Variants in UBAP2L observed in about 807,000 individuals in gnomAD.
The protein encoded by UBAP2L is ubiquitin-associated protein 2-like.
Under a neutral mutation model 130.6 loss-of-function variants are expected in UBAP2L, and 12 were observed. The ratio of observed to expected loss-of-function variants is 0.09; its 90% CI spans 0.06 to 0.15. The LOEUF (loss-of-function observed/expected upper bound fraction) is 0.15, where lower values mean the gene tolerates loss of function less well. Among genes scored for constraint, UBAP2L ranks in the 10% least tolerant of loss-of-function variants. The probability of loss-of-function intolerance (pLI) is 1.00; values close to 1 mark genes in which losing one functional copy is unlikely to be tolerated. For missense variants in UBAP2L, 965 were observed against 1,332.5 expected, an observed-to-expected ratio of 0.72 and a Z score of 4.29; for synonymous variants, 503 against 524.7, an observed-to-expected ratio of 0.96 and a Z score of 0.57.
At chr1:154,254,643 T>C (rs1448680466) in intron 15 of UBAP2L, 193 bp from the exon 16 acceptor site, 1 of 621,556 alleles carries the variant, frequency 1.6e-6, no homozygotes, top group African/African-American at 1.9e-5. Flanking sequence ...ATATCTCAGT[T>C]TTGTTGTTTA....
Position 154,255,775 on chromosome 1 carries a change from G to T in UBAP2L, c.2157+20G>T, listed in dbSNP as rs1310371419. The T allele has an allele frequency of 6.2e-7, 1 of 1,613,132 alleles. No homozygotes were observed. Among genetic ancestry groups the T allele is most frequent in the African/African-American group, 1.3e-5 (1 of 75,016 alleles). ...CTTTTGGTAAGTGTGATGCTGAGAG[G>T]GATGTGTGGTTTTCTTACACTTAGA... On this transcript the variant is annotated intron_variant, in intron 18 of 26. Transcript: ENST00000428931.
chr1:154,244,230 T>G (rs1055101752), intron 10 of UBAP2L, among the ~76,000 whole-genome samples: 3 of 152,208 alleles, frequency 2.0e-5, no homozygotes, highest in Non-Finnish European at 2.9e-5. Flanking sequence ...CCCCACAAGT[T>G]GAAAGCTCAG....
At chr1:154,267,906 T>TTTTTTTTTTA in intron 25 of UBAP2L, among the ~76,000 whole-genome samples, 1 of 135,968 alleles carries the variant, frequency 7.4e-6, no homozygotes, top group East Asian at 2.0e-4. Context: ...TTTTTTTTTT[T>TTTTTTTTTTA]GAGACGGAGT....
Position 154,255,202 on chromosome 1 carries a change from C to T in UBAP2L, c.1960C>T (p.Pro654Ser), listed in dbSNP as rs752708910. 3.1e-6 allele frequency: 5 copies of T among 1,614,130 alleles called. No individual in the cohort carries two copies. In the South Asian group the frequency reaches 5.5e-5, roughly 18 times the overall value. Residue 654 changes from proline (P) to serine (S), a missense_variant, in exon 17 of 27, where the codon CCC becomes TCC. Around this residue, in one of 9 missense-constraint regions of UBAP2L, gnomAD observed 393 missense variants for 408.1 expected, o/e 0.96. Coordinates refer to ENST00000428931, the MANE Select transcript of UBAP2L (RefSeq NM_014847.4). Reference sequence around the variant, plus strand: ...TGATTCACCTTCCACTTCTAGCATCCCCCCTCTCAATGAAACGGTATCTGC... The same window carrying T: ...TGATTCACCTTCCACTTCTAGCATCTCCCCTCTCAATGAAACGGTATCTGC... The part of the protein sequence containing the change: ...KSDSPSTSSI[P>S]PLNETVSAAS...
At chr1:154,245,497 A>G (rs776624549) in intron 10 of UBAP2L, among the ~76,000 whole-genome samples, 70 of 152,344 alleles carry the variant, frequency 4.6e-4, no homozygotes, top group Non-Finnish European at 9.1e-4. Flanking sequence ...CCATTTGAAG[A>G]TTCCAGTGTT....
intron 20 of UBAP2L, chr1:154,257,658 C>T (rs1680080368): frequency 1.8e-6 from 1 of 541,266 alleles, no homozygotes; most frequent in Non-Finnish European, 3.3e-6. Context: ...AAACAGCGTG[C>T]AGTTCAAACC....
chr1:154,254,115 A>G, intron 15 of UBAP2L, 26 bp downstream of exon 15: 8 of 1,497,644 alleles, frequency 5.3e-6, no homozygotes, highest in Non-Finnish European at 7.1e-6. Flanking sequence ...ACCCTTGGGA[A>G]TTGGTTAGGA....
intron 24 of UBAP2L, among the ~76,000 whole-genome samples, chr1:154,263,920 G>A (rs145415867): frequency 3.3e-5 from 5 of 152,286 alleles, no homozygotes; most frequent in African/African-American, 1.2e-4. Flanking sequence ...AGGCCAAGTG[G>A]CTAAGATCTG....
intron 10 of UBAP2L, 137 bp from the exon 11 acceptor site, chr1:154,246,067 T>C: frequency 1.3e-6 from 1 of 794,482 alleles, no homozygotes; most frequent in Non-Finnish European, 1.8e-6. Context: ...ATTTAAGCAT[T>C]TCAAGGCTTT....
chr1:154,220,752 T>A (rs1350719017), upstream of UBAP2L: 2 of 299,382 alleles, frequency 6.7e-6, no homozygotes, highest in Non-Finnish European at 6.4e-6. Flanking sequence ...CGGGGTGGAC[T>A]CGCGGAGCCG....
chr1:154,260,404 T>C (rs1214851332), intron 22 of UBAP2L, among the ~76,000 whole-genome samples: 1 of 152,172 alleles, frequency 6.6e-6, no homozygotes, highest in Non-Finnish European at 1.5e-5. Context: ...GGAAATACAG[T>C]GGTTGAGGTG....
intron 8 of UBAP2L, 61 bp from the exon 9 acceptor site, chr1:154,241,452 A>C: frequency 6.5e-7 from 1 of 1,547,748 alleles, no homozygotes; most frequent in Non-Finnish European, 8.9e-7. Context: ...GATGTTTTCT[A>C]TACATGCTTT....
intron 2 of UBAP2L, 134 bp from the exon 3 acceptor site, chr1:154,227,147 TA>T: frequency 1.4e-6 from 1 of 722,688 alleles, no homozygotes; most frequent in Non-Finnish European, 2.4e-6. Context: ...TTAAGCGTCC[TA>T]AATGGTGCTT....
At chr1:154,269,127 C>A in intron 26 of UBAP2L, 173 bp downstream of exon 26, 1 of 941,806 alleles carries the variant, frequency 1.1e-6, no homozygotes, top group Non-Finnish European at 1.6e-6. Flanking sequence ...CACGAGCGGC[C>A]GGCAAAGGAA....
chr1:154,221,147 G>T (rs1434446863), intron 1 of UBAP2L, 172 bp downstream of exon 1: 1 of 149,308 alleles, frequency 6.7e-6, no homozygotes, highest in African/African-American at 2.5e-5. Flanking sequence ...CACACCGTGT[G>T]TTCCCCCACT....
At chr1:154,243,848 T>G (rs1571773607) in intron 10 of UBAP2L, among the ~76,000 whole-genome samples, 1 of 152,312 alleles carries the variant, frequency 6.6e-6, no homozygotes, top group East Asian at 1.9e-4. Flanking sequence ...TCCCTGCAAA[T>G]AGCACTTTAA....
Position 154,268,935 on chromosome 1 carries a change from A to G in UBAP2L, c.3149A>G (p.His1050Arg). ...CCGCATTCTCAGATCCTTCACCATCACCTGCAGCAGGATGGCCAGGTAATA... is the reference window on the plus strand; with the variant it reads ...CCGCATTCTCAGATCCTTCACCATCGCCTGCAGCAGGATGGCCAGGTAATA... ...QQPHSQILHH[H>R]LQQDGQTGSG... The change falls in exon 26 of 27, where the codon CAC (histidine) becomes CGC (arginine). Residue 1050 changes from histidine to arginine, a missense_variant. Physicochemically the swap from His to Arg is conservative, Grantham distance 29 (BLOSUM62 0). This residue lies in a region of UBAP2L where 194 missense variants were observed against 334.0 expected (regional missense o/e 0.58). Transcript: ENST00000428931. The G allele has an allele frequency of 6.2e-7, 1 of 1,609,448 alleles. No homozygotes were observed. The highest frequency in any genetic ancestry group is 8.5e-7 in the Non-Finnish European group (1 of 1,178,000).
In UBAP2L at chr1:154,243,298, C is replaced by A; in HGVS notation, c.838C>A (p.Gln280Lys). ...PAENVTITAGQRIDLAVLLGK... is the reference protein window; with the variant it reads ...PAENVTITAGKRIDLAVLLGK... Reference sequence around the variant, plus strand: ...GGAGAATGTGACAATCACTGCTGGTCAGAGGCAAGTGTGCAGTAAAATTTA... The same window carrying A: ...GGAGAATGTGACAATCACTGCTGGTAAGAGGCAAGTGTGCAGTAAAATTTA... The change falls in exon 10 of 27, where the codon CAG becomes AAG. Residue 280 changes from glutamine to lysine, a missense_variant. Physicochemically the swap from Gln to Lys is moderately conservative, Grantham distance 53 (BLOSUM62 1). Around this residue, in one of 9 missense-constraint regions of UBAP2L, gnomAD observed 99 missense variants for 106.4 expected, o/e 0.93. Coordinates refer to ENST00000428931, the MANE Select transcript of UBAP2L (RefSeq NM_014847.4). 2 of 1,611,212 alleles carry A rather than the reference C, an allele frequency of 1.2e-6. No homozygotes were observed. The highest frequency in any genetic ancestry group is 2.2e-5 in the South Asian group (2 of 90,948).
At chr1:154,237,503 G>A (rs1672071428) in intron 8 of UBAP2L, among the ~76,000 whole-genome samples, 1 of 152,166 alleles carries the variant, frequency 6.6e-6, no homozygotes, top group Non-Finnish European at 1.5e-5. Flanking sequence ...AGGTCCAAGT[G>A]TATTTTCTAG....
Sources: allele counts gnomAD v4.1 joint callset (sites outside exome capture counted in the v4.1 genomes callset), GRCh38; gene constraint gnomAD v4.1.1; regional missense constraint gnomAD v4.1.1; transcripts MANE v1.5; gene names NCBI Gene and HGNC (gene_info 2026-07-23, HGNC 2026-07-21).